The following TRIM44 variants were observed in gnomAD, a reference collection of about 807,000 sequenced individuals.
TRIM44 encodes tripartite motif-containing protein 44.
A neutral mutation model predicts 37.4 loss-of-function variants in TRIM44; 13 were observed. The ratio of observed to expected loss-of-function variants is 0.35; its 90% CI spans 0.23 to 0.55. The LOEUF (loss-of-function observed/expected upper bound fraction) is 0.55, where lower values mean the gene tolerates loss of function less well. Ranked by LOEUF, TRIM44 falls within the 20% of genes least tolerant of loss-of-function variation. The probability of loss-of-function intolerance (pLI) is 0.89; values close to 1 mark genes in which losing one functional copy is unlikely to be tolerated. For synonymous variants in TRIM44, 175 were observed against 157.2 expected, an observed-to-expected ratio of 1.11 and a Z score of -0.85; for missense variants, 426 against 437.2, an observed-to-expected ratio of 0.97 and a Z score of 0.23.
At chr11:35,783,959 G>A (rs1429782813) in intron 4 of TRIM44, among the ~76,000 whole-genome samples, 1 of 152,188 alleles carries the variant, frequency 6.6e-6, no homozygotes, top group Non-Finnish European at 1.5e-5. Flanking sequence ...AGATGTACTT[G>A]GTGGCAGCAG....
intron 2 of TRIM44, among the ~76,000 whole-genome samples, chr11:35,694,432 A>G (rs571453606): frequency 3.2e-4 from 49 of 152,142 alleles, no homozygotes; most frequent in Non-Finnish European, 5.4e-4. Flanking sequence ...TTTCTCACCT[A>G]CATTGGGCCT....
Position 35,803,820 on chromosome 11 carries a change from G to A in TRIM44, c.1008-2538G>A, listed in dbSNP as rs573128073. Reference sequence around the variant, plus strand: ...AGCAAGAACATTCAGGAGAGGAGATGATGCCTCACACTAATTATATTGTTG... The same window carrying A: ...AGCAAGAACATTCAGGAGAGGAGATAATGCCTCACACTAATTATATTGTTG... On this transcript the variant is annotated intron_variant, in intron 4 of 4. Coordinates refer to ENST00000299413, the MANE Select transcript of TRIM44 (RefSeq NM_017583.6). Among the ~76,000 whole-genome samples, 29 of 152,260 alleles carry A rather than the reference G, an allele frequency of 1.9e-4. No homozygotes were observed. The South Asian group carries it at 6.0e-3, about 32-fold the overall frequency.
intron 4 of TRIM44, among the ~76,000 whole-genome samples, chr11:35,750,175 A>G (rs1035717231): frequency 1.4e-4 from 22 of 152,198 alleles, no homozygotes; most frequent in African/African-American, 5.3e-4. Flanking sequence ...AGTGTCTACT[A>G]TGTGCTAGGT....
At chr11:35,704,835 C>A (rs1012355336) in intron 2 of TRIM44, among the ~76,000 whole-genome samples, 24 of 152,192 alleles carry the variant, frequency 1.6e-4, no homozygotes, top group East Asian at 3.9e-4. Flanking sequence ...CATCGATGCT[C>A]GGAAGAAACT....
At chr11:35,796,123 A>G (rs1002977685) in intron 4 of TRIM44, among the ~76,000 whole-genome samples, 4 of 152,208 alleles carry the variant, frequency 2.6e-5, no homozygotes, top group African/African-American at 9.6e-5. Context: ...AAGTAGCACT[A>G]GGTCATTATG....
chr11:35,783,027 A>G (rs908127820), intron 4 of TRIM44, among the ~76,000 whole-genome samples: 7 of 152,198 alleles, frequency 4.6e-5, no homozygotes, highest in Admixed American at 3.3e-4. Context: ...ACAAAAACAA[A>G]AGCTCATATT....
chr11:35,742,720 TATA>T (rs1409455574), intron 4 of TRIM44, among the ~76,000 whole-genome samples: 2 of 137,954 alleles, frequency 1.4e-5, no homozygotes, highest in Non-Finnish European at 1.5e-5. Flanking sequence ...CTATATTAAA[TATA>T]ATTATATTAA....
intron 4 of TRIM44, among the ~76,000 whole-genome samples, chr11:35,802,456 G>A (rs1853383210): frequency 6.6e-6 from 1 of 152,174 alleles, no homozygotes; most frequent in Non-Finnish European, 1.5e-5. Flanking sequence ...GGGAGTGGCT[G>A]AAACAAGAAC....
At chr11:35,799,406 TGA>T (rs564032051) in intron 4 of TRIM44, among the ~76,000 whole-genome samples, 61 of 152,238 alleles carry the variant, frequency 4.0e-4, no homozygotes, top group Non-Finnish European at 7.8e-4. Flanking sequence ...CTGTGAGGGC[TGA>T]GACAAACTCA....
At chr11:35,725,809 T>C (rs934581572) in intron 2 of TRIM44, 115 bp from the exon 3 acceptor site, 1 of 1,126,498 alleles carries the variant, frequency 8.9e-7, no homozygotes, top group Non-Finnish European at 1.2e-6. Context: ...CCCAAAACTT[T>C]AGGATTGGAT....
At chr11:35,670,266 G>A (rs1001112540) in intron 1 of TRIM44, among the ~76,000 whole-genome samples, 2 of 152,170 alleles carry the variant, frequency 1.3e-5, no homozygotes, top group African/African-American at 2.4e-5. Context: ...GAACTGCTTC[G>A]TGTACTCTGC....
chr11:35,699,103 G>A lies in TRIM44; in HGVS notation c.747+13767G>A, dbSNP rs1045939900. Reference sequence around the variant, plus strand: ...AAAGATCAGATAGTTGTAGATTAGCGGCATTATTTCTGAGGGTTCTGTTCT... The same window carrying A: ...AAAGATCAGATAGTTGTAGATTAGCAGCATTATTTCTGAGGGTTCTGTTCT... On this transcript the variant is annotated intron_variant, in intron 2 of 4. Coordinates refer to ENST00000299413, the MANE Select transcript of TRIM44 (RefSeq NM_017583.6). Among the ~76,000 whole-genome samples the A allele has an allele frequency of 1.4e-4, 20 of 147,350 alleles. 1 individual carries two copies. The highest frequency in any genetic ancestry group is 3.8e-4 in the African/African-American group (15 of 39,790).
intron 4 of TRIM44, among the ~76,000 whole-genome samples, chr11:35,777,080 G>A (rs567483397): frequency 9.9e-5 from 15 of 152,266 alleles, no homozygotes; most frequent in Admixed American, 3.3e-4. Context: ...TTATTATTGT[G>A]AGGGAGTCTA....
chr11:35,803,910 CCTTTT>C (rs1232458704), intron 4 of TRIM44, among the ~76,000 whole-genome samples: 1 of 151,630 alleles, frequency 6.6e-6, no homozygotes. Context: ...AGTTATGATC[CCTTTT>C]CTTTTTCATT....
At chr11:35,702,905 G>T (rs1037931925) in intron 2 of TRIM44, among the ~76,000 whole-genome samples, 1 of 152,218 alleles carries the variant, frequency 6.6e-6, no homozygotes, top group East Asian at 1.9e-4. Flanking sequence ...GACAGTGGGC[G>T]CAGGACAGTG....
chr11:35,739,085 A>G (rs1241082833), intron 4 of TRIM44, among the ~76,000 whole-genome samples: 2 of 152,128 alleles, frequency 1.3e-5, no homozygotes, highest in African/African-American at 4.8e-5. Context: ...TAGGGGACCA[A>G]ATGTTGTGCT....
At chr11:35,746,676 G>A (rs1268354494) in intron 4 of TRIM44, among the ~76,000 whole-genome samples, 2 of 151,858 alleles carry the variant, frequency 1.3e-5, no homozygotes, top group Non-Finnish European at 2.9e-5. Flanking sequence ...AAGAAATGTA[G>A]CCAAAGGCTG....
intron 2 of TRIM44, among the ~76,000 whole-genome samples, chr11:35,697,044 A>C (rs561531065): frequency 7.5e-4 from 115 of 152,336 alleles, no homozygotes; most frequent in African/African-American, 2.6e-3. Context: ...TAGTTTGACC[A>C]TAAGGTGAGA....
At chr11:35,699,214 A>T (rs1235651444) in intron 2 of TRIM44, among the ~76,000 whole-genome samples, 1 of 152,034 alleles carries the variant, frequency 6.6e-6, no homozygotes, top group Non-Finnish European at 1.5e-5. Flanking sequence ...GAAGTCAGGT[A>T]GCGTGATGCC....
Sources: gnomAD v4.1 joint callset for allele counts (sites outside exome capture counted in the v4.1 genomes callset) on GRCh38, gnomAD v4.1.1 for gene constraint, MANE v1.5 for transcripts, NCBI Gene and HGNC (gene_info 2026-07-23, HGNC 2026-07-21) for gene names.